Variants in COL8A1 observed in about 807,000 individuals in gnomAD.
COL8A1 encodes collagen type VIII alpha 1 chain.
COL8A1 carries 21 observed loss-of-function variants against 42.7 expected under a neutral mutation model. That is an observed-to-expected ratio of 0.49 (90% CI 0.35 to 0.71). The LOEUF (loss-of-function observed/expected upper bound fraction) is 0.71, where lower values mean the gene tolerates loss of function less well. Among genes scored for constraint, COL8A1 ranks in the 30% least tolerant of loss-of-function variants. COL8A1 has a pLI of 0.01. For missense variants in COL8A1, 788 were observed against 962.4 expected, an observed-to-expected ratio of 0.82 and a Z score of 2.40; for synonymous variants, 367 against 369.1, an observed-to-expected ratio of 0.99 and a Z score of 0.06.
In COL8A1 at chr3:99,648,121, C is replaced by T. The variant is rs78549273; in HGVS notation, c.-129+9457C>T. On this transcript the variant is annotated intron_variant, in intron 1 of 3. Transcript: ENST00000652472. ...TGCTAGTCCCGTTATCTATATTCCC[C>T]ATGTCAACCCTACAAGAAGGGTGTT... Among the ~76,000 whole-genome samples the T allele has an allele frequency of 4.4e-3, 666 of 152,290 alleles. 5 individuals carry two copies. Among genetic ancestry groups the T allele is most frequent in the African/African-American group, 0.015 (610 of 41,564 alleles).
chr3:99,672,344 T>G (rs1184779176), intron 1 of COL8A1, among the ~76,000 whole-genome samples: 1 of 152,018 alleles, frequency 6.6e-6, no homozygotes, highest in African/African-American at 2.4e-5. Context: ...CCATGTCAAT[T>G]GGAACTACTC....
intron 2 of COL8A1, among the ~76,000 whole-genome samples, chr3:99,763,465 T>TAAC (rs1387543983): frequency 6.6e-6 from 1 of 152,112 alleles, no homozygotes; most frequent in African/African-American, 2.4e-5. Context: ...ACAATAATAA[T>TAAC]AACAGTTAAT....
intron 1 of COL8A1, among the ~76,000 whole-genome samples, chr3:99,644,235 G>A (rs1007417250): frequency 2.0e-5 from 3 of 152,130 alleles, no homozygotes; most frequent in African/African-American, 7.2e-5. Flanking sequence ...GATGACACAG[G>A]TGTGAAAGCT....
At chr3:99,722,622 T>G (rs1208313777) in intron 1 of COL8A1, among the ~76,000 whole-genome samples, 1 of 152,104 alleles carries the variant, frequency 6.6e-6, no homozygotes, top group Non-Finnish European at 1.5e-5. Context: ...TTAGAACATA[T>G]TCATAGAATT....
intron 1 of COL8A1, among the ~76,000 whole-genome samples, chr3:99,641,767 C>G (rs1326145046): frequency 2.0e-5 from 3 of 152,152 alleles, no homozygotes; most frequent in African/African-American, 4.8e-5. Flanking sequence ...CCTTGACCTC[C>G]TTCTCTTCAA....
chr3:99,659,490 G>A (rs931457939), intron 1 of COL8A1, among the ~76,000 whole-genome samples: 1 of 152,104 alleles, frequency 6.6e-6, no homozygotes, highest in Non-Finnish European at 1.5e-5. Flanking sequence ...CATTCTAAGG[G>A]AATACTCCTC....
At chr3:99,778,551 T>A (rs1941737315) in intron 2 of COL8A1, among the ~76,000 whole-genome samples, 1 of 152,108 alleles carries the variant, frequency 6.6e-6, no homozygotes, top group East Asian at 1.9e-4. Flanking sequence ...GTAAAAGTTA[T>A]CACTGATCTC....
chr3:99,688,419 A>G (rs544290838), intron 1 of COL8A1, among the ~76,000 whole-genome samples: 1 of 152,248 alleles, frequency 6.6e-6, no homozygotes, highest in Admixed American at 6.5e-5. Context: ...TTCAGAGCGC[A>G]TCGTTCCAAC....
chr3:99,792,416 C>T (rs1273885668), intron 3 of COL8A1, among the ~76,000 whole-genome samples: 1 of 152,122 alleles, frequency 6.6e-6, no homozygotes, highest in Non-Finnish European at 1.5e-5. Context: ...GATATTGGGA[C>T]CATATATTTC....
At chr3:99,716,457 CAT>C (rs1649460265) in intron 1 of COL8A1, among the ~76,000 whole-genome samples, 1 of 152,124 alleles carries the variant, frequency 6.6e-6, no homozygotes, top group Non-Finnish European at 1.5e-5. Flanking sequence ...GAAGATAATA[CAT>C]AGATTCATTT....
intron 1 of COL8A1, among the ~76,000 whole-genome samples, chr3:99,721,443 AAGGGG>A: frequency 6.9e-6 from 1 of 144,000 alleles, no homozygotes; most frequent in South Asian, 2.4e-4. Flanking sequence ...GGGGAAGGGG[AAGGGG>A]AAGGGAAGGA....
intron 1 of COL8A1, among the ~76,000 whole-genome samples, chr3:99,660,109 A>C (rs1050082314): frequency 1.3e-5 from 2 of 152,220 alleles, no homozygotes; most frequent in African/African-American, 2.4e-5. Flanking sequence ...AGACATTTAC[A>C]TTCCAACCCG....
chr3:99,753,615 A>G (rs571933047), intron 2 of COL8A1, among the ~76,000 whole-genome samples: 31 of 152,216 alleles, frequency 2.0e-4, no homozygotes, highest in Non-Finnish European at 4.1e-4. Flanking sequence ...AAGAGACTAC[A>G]GAATGAAATG....
chr3:99,695,272 A>G (rs906320889), intron 1 of COL8A1, among the ~76,000 whole-genome samples: 2 of 152,230 alleles, frequency 1.3e-5, no homozygotes, highest in Admixed American at 6.5e-5. Context: ...AGTAGTCCCC[A>G]CAAAACATGT....
intron 1 of COL8A1, among the ~76,000 whole-genome samples, chr3:99,683,744 G>A (rs530174460): frequency 6.6e-6 from 1 of 152,042 alleles, no homozygotes; most frequent in Admixed American, 6.6e-5. Flanking sequence ...ATTCTTTCCA[G>A]TTACCCTGAC....
chr3:99,663,503 A>G (rs1938270455), intron 1 of COL8A1, among the ~76,000 whole-genome samples: 1 of 152,166 alleles, frequency 6.6e-6, no homozygotes, highest in Non-Finnish European at 1.5e-5. Flanking sequence ...ATTCTAATCC[A>G]AGCGTTAGTG....
intron 1 of COL8A1, among the ~76,000 whole-genome samples, chr3:99,648,479 A>G (rs1937726613): frequency 6.6e-6 from 1 of 152,022 alleles, no homozygotes. Flanking sequence ...TTTTTAATCT[A>G]AAAGCATGCT....
At chr3:99,771,232 A>G (rs1171454459) in intron 2 of COL8A1, among the ~76,000 whole-genome samples, 1 of 152,204 alleles carries the variant, frequency 6.6e-6, no homozygotes. Context: ...ATTGGAAGGT[A>G]TTGGAGGGTT....
intron 1 of COL8A1, among the ~76,000 whole-genome samples, chr3:99,652,368 C>T (rs1022189908): frequency 1.3e-5 from 2 of 152,152 alleles, no homozygotes; most frequent in African/African-American, 2.4e-5. Flanking sequence ...ATTTTATGTA[C>T]ATTCCTTCAT....
Sources: allele counts gnomAD v4.1 joint callset (sites outside exome capture counted in the v4.1 genomes callset), GRCh38; gene constraint gnomAD v4.1.1; transcripts MANE v1.5; gene names NCBI Gene and HGNC (gene_info 2026-07-23, HGNC 2026-07-21).